NMNAT2: variants seen among roughly 807,000 people sequenced by gnomAD.
The protein encoded by NMNAT2 is nicotinamide nucleotide adenylyltransferase 2.
In NMNAT2, 11 loss-of-function variants were observed where a neutral mutation model predicts 41.6. The observed-to-expected ratio is 0.26, with a 90% CI of 0.17 to 0.44. The LOEUF (loss-of-function observed/expected upper bound fraction) is 0.44. NMNAT2 is among the 20% of genes least tolerant of loss of function. NMNAT2 has a pLI of 1.00. For missense variants in NMNAT2, 288 were observed against 407.7 expected (o/e 0.71, Z 2.53); for synonymous variants, 148 against 151.2 (o/e 0.98, Z 0.16).
In NMNAT2 at chr1:183,284,794, T is replaced by C. The variant is rs1661359704; in HGVS notation, c.449-4A>G. On this transcript the variant is annotated splice_polypyrimidine_tract_variant and splice_region_variant and intron_variant, in intron 5 of 10. Transcript: ENST00000287713. ...CCCACCTTCCCCAAGATCTTGGCTA[T>C]GGGAGAGAGCAAGACAGACAGGGAC... 5 of 1,613,092 alleles carry C rather than the reference T, an allele frequency of 3.1e-6. No individual in the cohort carries two copies. The East Asian group carries it at 8.9e-5, about 29-fold the overall frequency.
At chr1:183,401,717 A>G (rs1648812424) in intron 1 of NMNAT2, among the ~76,000 whole-genome samples, 2 of 152,194 alleles carry the variant, frequency 1.3e-5, no homozygotes, top group South Asian at 2.1e-4. Flanking sequence ...CATGTACACC[A>G]TGGAATACTA....
chr1:183,418,108 T>G (rs1303579593), intron 1 of NMNAT2, 75 bp downstream of exon 1: 1 of 1,399,122 alleles, frequency 7.1e-7, no homozygotes, highest in Admixed American at 1.7e-5. Flanking sequence ...TCCCGTTCGA[T>G]CGCCCTGGAA....
chr1:183,259,605 T>TG lies in NMNAT2; in HGVS notation c.821+1396_821+1397insC, dbSNP rs1411578102. ...TGAGCTTGTCCACACCTATAATTTT[T>TG]TTGTGTGTGTGTGTGATGGGGTCTC... On this transcript the variant is annotated intron_variant, in intron 10 of 10. Transcript: ENST00000287713. 9.5e-4 allele frequency among the ~76,000 whole-genome samples: 145 copies of TG among 151,926 alleles called. 1 individual carries two copies. Among genetic ancestry groups the TG allele is most frequent in the Admixed American group, 1.8e-3 (28 of 15,248 alleles).
chr1:183,395,272 G>A (rs554198245), intron 1 of NMNAT2, among the ~76,000 whole-genome samples: 7 of 151,950 alleles, frequency 4.6e-5, no homozygotes, highest in African/African-American at 1.7e-4. Context: ...TGTTGAGCAG[G>A]GCAGGCCAGC....
chr1:183,281,388 C>G (rs1661266731), intron 7 of NMNAT2, among the ~76,000 whole-genome samples: 1 of 152,102 alleles, frequency 6.6e-6, no homozygotes. Context: ...AGGGAAGCCC[C>G]CCTCCCCAAC....
intron 1 of NMNAT2, among the ~76,000 whole-genome samples, chr1:183,403,681 T>C (rs537030047): frequency 6.6e-6 from 1 of 152,370 alleles, no homozygotes; most frequent in East Asian, 1.9e-4. Flanking sequence ...TATGATTTAC[T>C]GGGCAAACTG....
chr1:183,313,553 C>G lies in NMNAT2; in HGVS notation c.86-19760G>C, dbSNP rs1301600441. 2.0e-5 allele frequency among the ~76,000 whole-genome samples: 3 copies of G among 152,274 alleles called. No individual in the cohort carries two copies. The East Asian group carries it at 5.8e-4, about 29-fold the overall frequency. On this transcript the variant is annotated intron_variant, in intron 1 of 10. Transcript: ENST00000287713. ...GGAGTGCAGTGGTGCAATCTTGGCT[C>G]ACTGCAACCTCCGCCTCCTGGGTTC...
intron 1 of NMNAT2, among the ~76,000 whole-genome samples, chr1:183,317,695 A>T (rs945904685): frequency 6.6e-6 from 1 of 152,164 alleles, no homozygotes; most frequent in Non-Finnish European, 1.5e-5. Context: ...CTCTCATTTT[A>T]CTGGCCAAGA....
Position 183,418,226 on chromosome 1 carries a change from G to T in NMNAT2, c.42C>A (p.Cys14Ter), listed in dbSNP as rs761280657. ...CTTTGGTGATGGGATTGAAGCTGCC[G>T]CAGGCGAGCAAGATAACGTGGGTCT... ...TTKTHVILLA[C>*]GSFNPITKGH... The change falls in exon 1 of 11, where the codon TGC becomes TGA. Residue 14 changes from cysteine (C) to a stop codon, truncating the protein, a stop_gained. Transcript: ENST00000287713. LOFTEE classifies it high-confidence loss of function. 2 of 1,613,984 alleles carry T rather than the reference G, an allele frequency of 1.2e-6. No individual in the cohort carries two copies.
At chr1:183,338,223 A>AGATCTATGTTATG (rs61522654) in intron 1 of NMNAT2, among the ~76,000 whole-genome samples, 1 of 149,970 alleles carries the variant, frequency 6.7e-6, no homozygotes, top group African/African-American at 2.5e-5. Flanking sequence ...CAGATCATTA[A>AGATCTATGTTATG]CCGTGAGGCA....
chr1:183,299,368 T>C (rs1210222360), intron 1 of NMNAT2, among the ~76,000 whole-genome samples: 2 of 151,892 alleles, frequency 1.3e-5, no homozygotes, highest in Non-Finnish European at 2.9e-5. Flanking sequence ...ACAGCGAGAC[T>C]CTGTCTCAAA....
chr1:183,249,352 G>A lies in NMNAT2; in HGVS notation c.*3289C>T, dbSNP rs1258622918. The A allele has an allele frequency of 6.6e-6, 1 of 152,160 alleles. No individual in the cohort carries two copies. The highest frequency in any genetic ancestry group is 1.5e-5 in the Non-Finnish European group (1 of 68,032). 9.4% of individuals were successfully genotyped at this position (152,160 alleles called of 1,614,324 possible). On this transcript the variant is annotated 3_prime_UTR_variant, in exon 11 of 11. Transcript: ENST00000287713. ...GACAAAAAGGGTTTTCCTTCTGCCTGTTCTTACATCAGCCACTTTCAGAAA... is the reference window on the plus strand; with the variant it reads ...GACAAAAAGGGTTTTCCTTCTGCCTATTCTTACATCAGCCACTTTCAGAAA...
At chr1:183,293,371 G>T (rs1047912142) in intron 2 of NMNAT2, among the ~76,000 whole-genome samples, 11 of 152,242 alleles carry the variant, frequency 7.2e-5, no homozygotes, top group African/African-American at 2.2e-4. Flanking sequence ...GCCCAGTGCA[G>T]CTCAACCCAT....
chr1:183,392,379 T>A (rs1557898492), intron 1 of NMNAT2, among the ~76,000 whole-genome samples: 1 of 152,220 alleles, frequency 6.6e-6, no homozygotes, highest in Non-Finnish European at 1.5e-5. Flanking sequence ...ACCTCCCTGG[T>A]TCAAACCACC....
chr1:183,290,092 G>A, intron 4 of NMNAT2, 36 bp downstream of exon 4: 1 of 1,524,818 alleles, frequency 6.6e-7, no homozygotes. Flanking sequence ...CTTGCACTCT[G>A]GTGGTTCACG....
At chr1:183,362,238 C>T (rs1571619715) in intron 1 of NMNAT2, among the ~76,000 whole-genome samples, 1 of 152,170 alleles carries the variant, frequency 6.6e-6, no homozygotes, top group Non-Finnish European at 1.5e-5. Flanking sequence ...TACACCCAGC[C>T]TCTATAAGAA....
At chr1:183,406,040 C>T (rs1648945839) in intron 1 of NMNAT2, among the ~76,000 whole-genome samples, 2 of 152,188 alleles carry the variant, frequency 1.3e-5, no homozygotes, top group South Asian at 4.1e-4. Context: ...GACATTTTAA[C>T]ATGCAAGTAG....
rs372109338 is a variant in NMNAT2, at chr1:183,286,655, C to T, written c.448+7G>A. ...GGTCTGAGAATCACACATCAGTGTTCCCCTACCTGCAGTGGGCTTGGTGGC... is the reference window on the plus strand; with the variant it reads ...GGTCTGAGAATCACACATCAGTGTTTCCCTACCTGCAGTGGGCTTGGTGGC... On this transcript the variant is annotated splice_region_variant and intron_variant, in intron 5 of 10. Transcript: ENST00000287713. 9 of 1,603,856 alleles carry T rather than the reference C, an allele frequency of 5.6e-6. No homozygotes were observed. The highest frequency in any genetic ancestry group is 4.0e-5 in the African/African-American group (3 of 74,748).
intron 1 of NMNAT2, among the ~76,000 whole-genome samples, chr1:183,368,117 G>T (rs1663452976): frequency 6.6e-6 from 1 of 152,064 alleles, no homozygotes; most frequent in Non-Finnish European, 1.5e-5. Context: ...AACAAATTTA[G>T]GAATTAATAT....
Sources: gnomAD v4.1 joint callset for allele counts (sites outside exome capture counted in the v4.1 genomes callset) on GRCh38, gnomAD v4.1.1 for gene constraint, MANE v1.5 for transcripts, NCBI Gene and HGNC (gene_info 2026-07-23, HGNC 2026-07-21) for gene names.